The following NLRC3 variants were observed in gnomAD, a reference collection of about 807,000 sequenced individuals.
NLRC3 encodes NLR family CARD domain-containing protein 3.
In NLRC3, 87 loss-of-function variants were observed where a neutral mutation model predicts 91.6. The ratio of observed to expected loss-of-function variants is 0.95; its 90% CI spans 0.80 to 1.14. The LOEUF is 1.14. NLRC3 is among the 50% of genes most tolerant of loss of function. The pLI is 0.00. For missense variants in NLRC3, 1,577 were observed against 1,418.6 expected (o/e 1.11, Z -1.79); for synonymous variants, 694 against 625.3 (o/e 1.11, Z -1.64).
chr16:3,551,534 A>ACCAT (rs1224483634), intron 10 of NLRC3, among the ~76,000 whole-genome samples: 41 of 132,574 alleles, frequency 3.1e-4, no homozygotes, highest in African/African-American at 1.1e-3. Context: ...CATTTATTCA[A>ACCAT]CCATCCATCC....
At position 3,564,559 on chromosome 16, in the gene NLRC3, C is replaced by T. The variant is rs2151101120; in HGVS notation, c.378G>A (p.Arg126=). Residue 126 remains arginine, a synonymous_variant, in exon 5 of 20, where the codon CGG becomes CGA. Coordinates refer to ENST00000359128, the MANE Select transcript of NLRC3 (RefSeq NM_178844.4). This position sits in a 1 kb window ranked among gnomAD's most constrained non-coding sequence, Gnocchi z 5.9. ...GHPARTVALD[R]LFLPLSRVSV... ...ACACCCGGGAGAGAGGCAGGAAGAG[C>T]CGGTCCAGGGCGACGGTCCTGGCGG... is the stretch of plus-strand genomic sequence containing the variant. 6.2e-7 allele frequency: 1 copy of T among 1,611,718 alleles called. No individual in the cohort carries two copies. Among genetic ancestry groups the T allele is most frequent in the East Asian group, 2.2e-5 (1 of 44,866 alleles).
Position 3,544,341 on chromosome 16 carries a change from G to A in NLRC3, c.2772-12C>T, listed in dbSNP as rs201063060. On this transcript the variant is annotated splice_polypyrimidine_tract_variant and intron_variant, in intron 15 of 19. Coordinates refer to ENST00000359128, the MANE Select transcript of NLRC3 (RefSeq NM_178844.4). ...CGTTCTCCTGTAAACTAGACACAGA[G>A]TATGACCCCTTTGGGTGCACGGGGC... The A allele has an allele frequency of 1.9e-6, 3 of 1,602,512 alleles. No homozygotes were observed. In the African/African-American group the frequency reaches 4.0e-5, roughly 21 times the overall value.
rs1567161665 is a variant in NLRC3, at chr16:3,577,186, TG to T, written c.-207del. ...GATGCTGCTCCAGGGACAGCAAGAC[TG>T]GGGGGCCTGGGGGCGTCCATCTCCA... On this transcript the variant is annotated 5_prime_UTR_variant, in exon 1 of 20. It introduces an in-frame stop codon into an upstream open reading frame of the 5' UTR. Transcript: ENST00000359128. The T allele has an allele frequency of 5.7e-6, 4 of 702,866 alleles. No individual in the cohort carries two copies. The highest frequency in any genetic ancestry group is 3.0e-5 in the South Asian group (2 of 67,588). 43.5% of individuals were successfully genotyped at this position (702,866 alleles called of 1,614,324 possible). A position where few individuals can be genotyped will look rare whatever the true frequency, so the allele number is the denominator to read the frequency against.
chr16:3,547,075 C>T (rs79766268), intron 15 of NLRC3, among the ~76,000 whole-genome samples: 1,758 of 152,292 alleles, frequency 0.012, 21 homozygotes, highest in Non-Finnish European at 0.016. Context: ...GGAAAGCTCA[C>T]GTCCACACAG....
At position 3,548,726 on chromosome 16, in the gene NLRC3, C is replaced by G. The variant is rs1170612680; in HGVS notation, c.2631G>C (p.Gln877His). Reference sequence around the variant, plus strand: ...CTGCCACTGCGATGGCCCGGGCACCCTGGTCGTGGAGGAGGTTGGCTGTCA... The same window carrying G: ...CTGCCACTGCGATGGCCCGGGCACCGTGGTCGTGGAGGAGGTTGGCTGTCA... The part of the protein sequence containing the change: ...LDLTANLLHD[Q>H]GARAIAVAVR... The change falls in exon 14 of 20, where the codon CAG becomes CAC. Residue 877 changes from glutamine to histidine, a missense_variant. Physicochemically the swap from Gln to His is conservative, Grantham distance 24. Transcript: ENST00000359128. 6.2e-7 allele frequency: 1 copy of G among 1,604,804 alleles called. No homozygotes were observed.
In NLRC3 at chr16:3,561,710, C is replaced by G. The variant is rs201948938; in HGVS notation, c.2007G>C (p.Gln669His). 14 of 1,612,144 alleles carry G rather than the reference C, an allele frequency of 8.7e-6. No individual in the cohort carries two copies. The African/African-American group carries it at 1.9e-4, about 22-fold the overall frequency. Residue 669 changes from glutamine (Q) to histidine (H), a missense_variant, in exon 6 of 20, where the codon CAG becomes CAC. Physicochemically the swap from Gln to His is conservative, Grantham distance 24. Coordinates refer to ENST00000359128, the MANE Select transcript of NLRC3 (RefSeq NM_178844.4). ...SVLSGKDCRIQKISLAENQIS... is the reference protein window; with the variant it reads ...SVLSGKDCRIHKISLAENQIS... ...CCCTGGGTCTGTGTTACCTGATCTT[C>G]TGAATGCGACAGTCCTTCCCACTCA...
chr16:3,557,679 G>A lies in NLRC3; in HGVS notation c.2016-3C>T, dbSNP rs199476280. On this transcript the variant is annotated splice_region_variant and splice_polypyrimidine_tract_variant and intron_variant, in intron 6 of 19. Coordinates refer to ENST00000359128, the MANE Select transcript of NLRC3 (RefSeq NM_178844.4). Reference sequence around the variant, plus strand: ...TACTGATCTGGTTCTCCGCCAAGCTGCCCAAGGAAAGGGAGAGGAGTGGTT... The same window carrying A: ...TACTGATCTGGTTCTCCGCCAAGCTACCCAAGGAAAGGGAGAGGAGTGGTT... 1 of 1,609,212 alleles carries A rather than the reference G, an allele frequency of 6.2e-7. No homozygotes were observed. Among genetic ancestry groups the A allele is most frequent in the Non-Finnish European group, 8.5e-7 (1 of 1,176,028 alleles).
At chr16:3,551,981 TCATC>T (rs56287077) in intron 10 of NLRC3, among the ~76,000 whole-genome samples, 23 of 147,466 alleles carry the variant, frequency 1.6e-4, no homozygotes, top group South Asian at 4.4e-4. Flanking sequence ...ATCCCTTCAT[TCATC>T]CATCCATCCA....
chr16:3,567,771 CAAA>C (rs774868671), intron 1 of NLRC3, among the ~76,000 whole-genome samples: 2 of 38,540 alleles, frequency 5.2e-5, no homozygotes, highest in Non-Finnish European at 9.3e-5. Flanking sequence ...GACTCCATCT[CAAA>C]AAAAAAAAAA....
At chr16:3,547,315 T>G (rs1020559974) in intron 15 of NLRC3, among the ~76,000 whole-genome samples, 14 of 152,158 alleles carry the variant, frequency 9.2e-5, no homozygotes, top group African/African-American at 3.4e-4. Flanking sequence ...GTCGTATGAT[T>G]CTATTTTTGG....
Position 3,577,238 on chromosome 16 carries a change from G to C in NLRC3, c.-258C>G. The stretch of plus-strand genomic sequence containing the variant: ...TGCTCCTGGGCTCAGCCCTGCTCCA[G>C]CTGCGTGGTGGTAGATGCCCTGGGA... On this transcript the variant is annotated 5_prime_UTR_variant, in exon 1 of 20. Transcript: ENST00000359128. 1 of 702,374 alleles carries C rather than the reference G, an allele frequency of 1.4e-6. No individual in the cohort carries two copies. Among genetic ancestry groups the C allele is most frequent in the African/African-American group, 1.7e-5 (1 of 57,386 alleles). The allele number at this position is 702,374 out of a possible 1,614,324, so 43.5% of individuals were successfully genotyped here.
At chr16:3,558,183 A>T (rs1479612612) in intron 6 of NLRC3, among the ~76,000 whole-genome samples, 1 of 151,488 alleles carries the variant, frequency 6.6e-6, no homozygotes, top group Non-Finnish European at 1.5e-5. Flanking sequence ...CTCCACGAAA[A>T]ACATAAAAAT....
intron 9 of NLRC3, among the ~76,000 whole-genome samples, 167 bp from the exon 10 acceptor site, chr16:3,552,446 T>A (rs1261819549): frequency 2.0e-5 from 3 of 152,144 alleles, no homozygotes; most frequent in African/African-American, 4.8e-5. Context: ...GCCTAAGTGA[T>A]AATGGACCAA....
intron 6 of NLRC3, among the ~76,000 whole-genome samples, chr16:3,561,233 G>C (rs1036594179): frequency 4.6e-5 from 7 of 151,866 alleles, no homozygotes; most frequent in African/African-American, 1.7e-4. Flanking sequence ...TCTAATCCCA[G>C]CTACTCAGGA....
chr16:3,544,576 A>G (rs543407411), intron 15 of NLRC3: 1 of 469,684 alleles, frequency 2.1e-6, no homozygotes, highest in South Asian at 3.1e-5. Context: ...GGACATATAG[A>G]GTGACTGTCA....
chr16:3,563,610 CCTCT>C lies in NLRC3; in HGVS notation c.1323_1326del (p.Glu442ArgfsTer153). 6.2e-7 allele frequency: 1 copy of C among 1,613,342 alleles called. No individual in the cohort carries two copies. Among genetic ancestry groups the C allele is most frequent in the South Asian group, 1.1e-5 (1 of 91,006 alleles). On this transcript the variant is annotated frameshift_variant, in exon 5 of 20. Coordinates refer to ENST00000359128, the MANE Select transcript of NLRC3 (RefSeq NM_178844.4). LOFTEE classifies it high-confidence loss of function. ...TAGGCCACTGACGATGCCAACGTCT[CCTCT>C]CTCTGCAGGAAGCAGCTGCACGGGG...
chr16:3,547,494 C>A (rs973854242), intron 15 of NLRC3, among the ~76,000 whole-genome samples: 3 of 152,146 alleles, frequency 2.0e-5, no homozygotes, highest in East Asian at 3.9e-4. Flanking sequence ...ACCGAATACA[C>A]TAGAAACCAG....
intron 18 of NLRC3, 150 bp downstream of exon 18, chr16:3,542,542 G>T: frequency 1.6e-6 from 1 of 630,334 alleles, no homozygotes; most frequent in South Asian, 1.9e-5. Flanking sequence ...AAACCCAGCT[G>T]CAGTGGAATG....
chr16:3,551,546 TCCATCCAC>T (rs903713645), intron 10 of NLRC3, among the ~76,000 whole-genome samples: 4 of 149,492 alleles, frequency 2.7e-5, no homozygotes, highest in African/African-American at 9.9e-5. Flanking sequence ...CATCCATCCA[TCCATCCAC>T]CCATCCACCA....
Sources: gnomAD v4.1 joint callset for allele counts (sites outside exome capture counted in the v4.1 genomes callset) on GRCh38, gnomAD v4.1.1 for gene constraint, Gnocchi (gnomAD v3.1) non-coding constraint, MANE v1.5 for transcripts, NCBI Gene and HGNC (gene_info 2026-07-23, HGNC 2026-07-21) for gene names.